Variants in ARHGEF10L observed in about 807,000 individuals in gnomAD.
ARHGEF10L encodes rho guanine nucleotide exchange factor 10-like protein.
Under a neutral mutation model 141.2 loss-of-function variants are expected in ARHGEF10L, and 69 were observed. The observed-to-expected ratio is 0.49, with a 90% CI of 0.40 to 0.60. ARHGEF10L has a LOEUF of 0.60. Ranked by LOEUF, ARHGEF10L falls within the 20% of genes least tolerant of loss-of-function variation. The pLI is 0.00. For synonymous variants in ARHGEF10L, 711 were observed against 718.5 expected, an observed-to-expected ratio of 0.99 and a Z score of 0.17; for missense variants, 1,482 against 1,734.3, an observed-to-expected ratio of 0.85 and a Z score of 2.58.
intron 2 of ARHGEF10L, among the ~76,000 whole-genome samples, chr1:17,581,235 C>T (rs911489207): frequency 7.4e-6 from 1 of 134,872 alleles, no homozygotes; most frequent in African/African-American, 2.7e-5. Context: ...TTGCTTGAAC[C>T]TGGGAGATGG....
Position 17,697,559 on chromosome 1 carries a change from G to C in ARHGEF10L, c.*179G>C. The C allele has an allele frequency of 1.3e-6, 1 of 783,658 alleles. No homozygotes were observed. Among genetic ancestry groups the C allele is most frequent in the Non-Finnish European group, 2.0e-6 (1 of 490,432 alleles). 48.5% of individuals were successfully genotyped at this position (783,658 alleles called of 1,614,324 possible). On this transcript the variant is annotated 3_prime_UTR_variant, in exon 29 of 29. Transcript: ENST00000361221. This position sits in a 1 kb window ranked among gnomAD's most constrained non-coding sequence, Gnocchi z 4.8. ...AATTTTTTTCAGAGTGTTTTGGGGA[G>C]GAGTTTTAGGGCTTGGGGAGAGGGA...
intron 22 of ARHGEF10L, among the ~76,000 whole-genome samples, chr1:17,649,472 C>T (rs1350350828): frequency 2.6e-5 from 4 of 152,164 alleles, no homozygotes; most frequent in Admixed American, 6.5e-5. Context: ...AGAGATGCGC[C>T]GATTGGGCTG....
intron 9 of ARHGEF10L, among the ~76,000 whole-genome samples, chr1:17,618,147 A>G (rs756487002): frequency 6.6e-5 from 10 of 152,152 alleles, no homozygotes; most frequent in Non-Finnish European, 1.2e-4. Context: ...TGGCCATTCT[A>G]AACTCATTGA....
intron 1 of ARHGEF10L, among the ~76,000 whole-genome samples, chr1:17,572,216 C>T (rs1372225361): frequency 6.6e-6 from 1 of 152,232 alleles, no homozygotes; most frequent in Non-Finnish European, 1.5e-5. Context: ...ACCACCAGGG[C>T]ACCGGCAGAG....
chr1:17,624,334 T>C, intron 12 of ARHGEF10L, 53 bp from the exon 13 acceptor site: 1 of 1,465,566 alleles, frequency 6.8e-7, no homozygotes, highest in Non-Finnish European at 9.5e-7. Flanking sequence ...CCTCGTTTCC[T>C]TCTGCTCCCT....
chr1:17,584,731 G>A (rs1312016200), intron 2 of ARHGEF10L, among the ~76,000 whole-genome samples: 1 of 152,158 alleles, frequency 6.6e-6, no homozygotes, highest in East Asian at 1.9e-4. Flanking sequence ...CTGGGGCTGC[G>A]GGTGCAAAGG....
intron 27 of ARHGEF10L, among the ~76,000 whole-genome samples, chr1:17,693,497 A>C (rs988146356): frequency 1.1e-4 from 16 of 152,176 alleles, no homozygotes; most frequent in African/African-American, 3.9e-4. Context: ...CCTGCACTGC[A>C]GAGGAAGCAC....
chr1:17,640,050 C>A, intron 20 of ARHGEF10L, 152 bp from the exon 21 acceptor site: 1 of 1,474,832 alleles, frequency 6.8e-7, no homozygotes. Flanking sequence ...TTTGCCAAGC[C>A]ACTGACCTCT....
intron 10 of ARHGEF10L, among the ~76,000 whole-genome samples, chr1:17,620,785 A>G (rs2060066683): frequency 1.3e-5 from 2 of 152,166 alleles, no homozygotes; most frequent in Non-Finnish European, 2.9e-5. Context: ...GCTCCCCTTC[A>G]GACCCCTGTC....
At chr1:17,645,431 G>A (rs890842377) in intron 21 of ARHGEF10L, among the ~76,000 whole-genome samples, 2 of 152,036 alleles carry the variant, frequency 1.3e-5, no homozygotes, top group Non-Finnish European at 2.9e-5. Context: ...ATGGGTGTTC[G>A]GGGAGGAAAG....
chr1:17,681,676 G>T (rs2064138752), intron 26 of ARHGEF10L, among the ~76,000 whole-genome samples: 1 of 152,208 alleles, frequency 6.6e-6, no homozygotes, highest in Non-Finnish European at 1.5e-5. Flanking sequence ...CGGGGAGGAA[G>T]AAGAGCAGCT....
At chr1:17,695,889 T>C (rs2065461104) in intron 28 of ARHGEF10L, among the ~76,000 whole-genome samples, 1 of 152,016 alleles carries the variant, frequency 6.6e-6, no homozygotes. Context: ...AGACCTCAAG[T>C]CCTTCTGATA....
At chr1:17,685,801 T>TGG (rs2064522683) in intron 26 of ARHGEF10L, among the ~76,000 whole-genome samples, 1 of 152,216 alleles carries the variant, frequency 6.6e-6, no homozygotes, top group Admixed American at 6.5e-5. Flanking sequence ...AGCGTGTACT[T>TGG]ACAATTGAGG....
At chr1:17,688,880 G>A (rs534075686) in intron 27 of ARHGEF10L, among the ~76,000 whole-genome samples, 2 of 152,100 alleles carry the variant, frequency 1.3e-5, no homozygotes, top group Non-Finnish European at 2.9e-5. Flanking sequence ...AGCCAGTCAC[G>A]ATGGTCCTTG....
intron 20 of ARHGEF10L, chr1:17,640,001 A>C: frequency 6.8e-7 from 1 of 1,476,950 alleles, no homozygotes; most frequent in Non-Finnish European, 8.9e-7. Context: ...TCTGGGGGTC[A>C]TTGTGGGCGG....
At position 17,583,886 on chromosome 1, in the gene ARHGEF10L, C is replaced by G. The variant is rs138795654; in HGVS notation, c.37+3254C>G. 2.2e-3 allele frequency among the ~76,000 whole-genome samples: 341 copies of G among 152,238 alleles called. 1 individual carries two copies. Among genetic ancestry groups the G allele is most frequent in the Non-Finnish European group, 4.0e-3 (273 of 68,016 alleles). On this transcript the variant is annotated intron_variant, in intron 2 of 28. Transcript: ENST00000361221. ...TTTTTTTTTGAGACAGGATTTTGCT[C>G]TGTTACCCAGGCTGGAGTACAATGG...
At chr1:17,516,996 T>C in the ARHGEF10L span, among the ~76,000 whole-genome samples, 1 of 152,196 alleles carries the variant, frequency 6.6e-6, no homozygotes, top group African/African-American at 2.4e-5. Flanking sequence ...TCCTATTTCA[T>C]AATCAGAGCC....
At chr1:17,687,491 G>A in intron 26 of ARHGEF10L, 82 bp from the exon 27 acceptor site, 1 of 1,486,606 alleles carries the variant, frequency 6.7e-7, no homozygotes, top group Non-Finnish European at 9.2e-7. Context: ...ATGTGAGAAT[G>A]GCTGGCCCAG....
upstream of ARHGEF10L, among the ~76,000 whole-genome samples, chr1:17,538,990 G>C (rs951061579): frequency 3.3e-5 from 5 of 152,246 alleles, no homozygotes; most frequent in Admixed American, 3.3e-4. Flanking sequence ...GTGTTTGGCA[G>C]CTTTGGAGCT....
Sources: gnomAD v4.1 joint callset for allele counts (sites outside exome capture counted in the v4.1 genomes callset) on GRCh38, gnomAD v4.1.1 for gene constraint, Gnocchi (gnomAD v3.1) non-coding constraint, MANE v1.5 for transcripts, NCBI Gene and HGNC (gene_info 2026-07-23, HGNC 2026-07-21) for gene names.